MYT1: variants seen among roughly 807,000 people sequenced by gnomAD.
MYT1 encodes myelin transcription factor 1.
A neutral mutation model predicts 123.0 loss-of-function variants in MYT1; 23 were observed. The observed-to-expected ratio is 0.19, with a 90% confidence interval of 0.13 to 0.26. The LOEUF is 0.26. MYT1 is among the 10% of genes least tolerant of loss of function. The pLI is 1.00. For synonymous variants in MYT1, 518 were observed against 575.3 expected, an observed-to-expected ratio of 0.90 and a Z score of 1.43; for missense variants, 1,125 against 1,472.5, an observed-to-expected ratio of 0.76 and a Z score of 3.86.
At chr20:64,199,478 G>A (rs1330630699) in intron 3 of MYT1, among the ~76,000 whole-genome samples, 3 of 152,292 alleles carry the variant, frequency 2.0e-5, no homozygotes, top group African/African-American at 4.8e-5. Flanking sequence ...CCAGTAACTC[G>A]GTCCAGTTGT....
chr20:64,195,619 C>T (rs937975609), intron 2 of MYT1, among the ~76,000 whole-genome samples: 6 of 151,738 alleles, frequency 4.0e-5, no homozygotes, highest in Admixed American at 3.3e-4. Context: ...TTGTCATGAA[C>T]TCCTGACCTC....
Position 64,208,006 on chromosome 20 carries a change from G to C in MYT1, c.810G>C (p.Glu270Asp). The C allele has an allele frequency of 6.3e-7, 1 of 1,596,166 alleles. No individual in the cohort carries two copies. Among genetic ancestry groups the C allele is most frequent in the Non-Finnish European group, 8.5e-7 (1 of 1,171,576 alleles). Residue 270 changes from glutamate to aspartate, a missense_variant, in exon 7 of 23, where the codon GAG (glutamate) becomes GAC (aspartate). Glu to Asp is a conservative substitution (Grantham distance 45). This residue lies in a region of MYT1 where 406 missense variants were observed against 432.2 expected (regional missense o/e 0.94). Coordinates refer to ENST00000328439, the MANE Select transcript of MYT1 (RefSeq NM_004535.3). The surrounding 1 kb of genome is among the most constrained non-coding windows in gnomAD (Gnocchi z 5.4). ...AGGAGGAGGAGGAGGAGGAAGAGGA[G>C]GAGGAGGAGGATGAAGAAGAGGAAG... The part of the protein sequence containing the change: ...EDEEEEEEEE[E>D]EEEDEEEEEE...
intron 19 of MYT1, among the ~76,000 whole-genome samples, chr20:64,234,751 C>CCTGGGGCTGGCCGTGGTATGTGAA (rs1984449747): frequency 7.2e-6 from 1 of 138,240 alleles, no homozygotes. Context: ...TGGTATGTGA[C>CCTGGGGCTGGCCGTGGTATGTGAA]CCGGGGCTGG....
At chr20:64,207,174 G>A (rs537044366) in intron 6 of MYT1, among the ~76,000 whole-genome samples, 2 of 152,196 alleles carry the variant, frequency 1.3e-5, no homozygotes, top group African/African-American at 2.4e-5. Flanking sequence ...ATGAGCCACC[G>A]AGCCCATTCT....
At chr20:64,223,382 C>G (rs1430821204) in intron 16 of MYT1, 23 bp downstream of exon 16, 1 of 1,613,422 alleles carries the variant, frequency 6.2e-7, no homozygotes, top group Non-Finnish European at 8.5e-7. Flanking sequence ...TCCCTGACCT[C>G]CTGTCTCTTG....
chr20:64,195,381 TGTGTGTGTG>T (rs1983083086), intron 2 of MYT1, among the ~76,000 whole-genome samples: 1 of 104,490 alleles, frequency 9.6e-6, no homozygotes, highest in Non-Finnish European at 1.9e-5. Flanking sequence ...TGTGTGTGTG[TGTGTGTGTG>T]TGTGTGTATA....
Position 64,232,958 on chromosome 20 carries a change from C to G in MYT1, c.2897+573C>G, listed in dbSNP as rs941994871. 6.6e-6 allele frequency among the ~76,000 whole-genome samples: 1 copy of G among 151,868 alleles called. No individual in the cohort carries two copies. The highest frequency in any genetic ancestry group is 2.4e-5 in the African/African-American group (1 of 41,326). On this transcript the variant is annotated intron_variant, in intron 19 of 22. Coordinates refer to ENST00000328439, the MANE Select transcript of MYT1 (RefSeq NM_004535.3). This position sits in a 1 kb window ranked among gnomAD's most constrained non-coding sequence, Gnocchi z 6.9. ...TCTCGCCTGCCCTCCAACACCTGCT[C>G]CAGAGCCGAAGGACCTTGCTTCACC...
chr20:64,165,054 A>G (rs903960573), intron 1 of MYT1, among the ~76,000 whole-genome samples: 7 of 151,982 alleles, frequency 4.6e-5, no homozygotes, highest in African/African-American at 1.7e-4. Flanking sequence ...TCAAAACCAG[A>G]AACTTTATGC....
intron 19 of MYT1, among the ~76,000 whole-genome samples, chr20:64,234,333 G>A (rs776345510): frequency 2.6e-5 from 4 of 152,134 alleles, no homozygotes; most frequent in African/African-American, 4.8e-5. Flanking sequence ...GCAAAGTACC[G>A]GCAAGTGGGT....
At chr20:64,236,193 C>G (rs35044813) in intron 19 of MYT1, among the ~76,000 whole-genome samples, 2 of 35,920 alleles carry the variant, frequency 5.6e-5, no homozygotes, top group South Asian at 1.3e-3. Flanking sequence ...CTGGGATGGC[C>G]GTGGTGGGTG....
chr20:64,239,849 C>T lies in MYT1; in HGVS notation c.3183C>T (p.Ser1061=), dbSNP rs1273170188. The part of the protein sequence containing the change: ...EQNEALFLEL[S]GLSQALIQSL... ...ATGAAGCCCTGTTTCTGGAGCTGTC[C>T]GGCCTGAGCCAGGCCCTCATCCAAA... The change falls in exon 22 of 23, where the codon TCC becomes TCT. Residue 1061 remains serine (S), a synonymous_variant. Coordinates refer to ENST00000328439, the MANE Select transcript of MYT1 (RefSeq NM_004535.3). 22 of 1,613,700 alleles carry T rather than the reference C, an allele frequency of 1.4e-5. No homozygotes were observed. The highest frequency in any genetic ancestry group is 8.0e-5 in the African/African-American group (6 of 74,956).
Position 64,241,502 on chromosome 20 carries a change from G to T in MYT1, c.*1054G>T, listed in dbSNP as rs975124154. On this transcript the variant is annotated 3_prime_UTR_variant, in exon 23 of 23. Transcript: ENST00000328439. The surrounding 1 kb of genome is among the most constrained non-coding windows in gnomAD (Gnocchi z 4.2). The stretch of plus-strand genomic sequence containing the variant: ...GTTAGTATTTAAAAATAGAGAAATT[G>T]CACTTCCTGGAAAAAATTAAAAAGT... 2 of 152,488 alleles carry T rather than the reference G, an allele frequency of 1.3e-5. No homozygotes were observed. Among genetic ancestry groups the T allele is most frequent in the African/African-American group, 4.8e-5 (2 of 41,416 alleles). The allele number at this position is 152,488 out of a possible 1,614,324, so 9.4% of individuals were successfully genotyped here. A position where few individuals can be genotyped will look rare whatever the true frequency, so the allele number is the denominator to read the frequency against.
chr20:64,175,004 T>C (rs1275940374), intron 1 of MYT1, among the ~76,000 whole-genome samples: 4 of 1,512 alleles, frequency 2.6e-3, no homozygotes. Flanking sequence ...TGTAGTTGTG[T>C]CCATTTCCCC....
intron 4 of MYT1, among the ~76,000 whole-genome samples, chr20:64,201,345 G>A (rs909423532): frequency 1.2e-4 from 18 of 152,176 alleles, no homozygotes; most frequent in Non-Finnish European, 2.6e-4. Flanking sequence ...CATGAGCCTT[G>A]TGGTCTCAAC....
chr20:64,211,813 C>A (rs1276830195), intron 8 of MYT1, among the ~76,000 whole-genome samples: 1 of 152,172 alleles, frequency 6.6e-6, no homozygotes. Context: ...GAGGGAGGGA[C>A]CACAGTGGTG....
intron 5 of MYT1, 133 bp from the exon 6 acceptor site, chr20:64,205,420 G>A (rs555039673): frequency 2.4e-5 from 34 of 1,392,324 alleles, no homozygotes; most frequent in South Asian, 4.2e-5. Context: ...TTTTTTGTCC[G>A]GGTTCCCTGC....
rs771745530 is a variant in MYT1 at position 64,198,858 on chromosome 20, G to A, written c.1-4G>A. ...TTGTTAACGTCGTGGTTTTTTGCTTGCAGATGAGCTTAGAAAATGAAGACA... is the reference window on the plus strand; with the variant it reads ...TTGTTAACGTCGTGGTTTTTTGCTTACAGATGAGCTTAGAAAATGAAGACA... On this transcript the variant is annotated splice_polypyrimidine_tract_variant and splice_region_variant and intron_variant, in intron 2 of 22. Coordinates refer to ENST00000328439, the MANE Select transcript of MYT1 (RefSeq NM_004535.3). 1.1e-5 allele frequency: 17 copies of A among 1,614,078 alleles called. No individual in the cohort carries two copies. In the East Asian group the frequency reaches 3.1e-4, roughly 30 times the overall value.
chr20:64,187,508 C>T (rs562359494), intron 1 of MYT1, among the ~76,000 whole-genome samples: 10 of 152,096 alleles, frequency 6.6e-5, no homozygotes, highest in East Asian at 5.8e-4. Flanking sequence ...TCCACGTTTC[C>T]GTGGAGAGTT....
intron 2 of MYT1, among the ~76,000 whole-genome samples, chr20:64,197,102 T>C (rs886820093): frequency 1.3e-5 from 2 of 152,226 alleles, no homozygotes; most frequent in African/African-American, 2.4e-5. Flanking sequence ...GCTTTAAAAA[T>C]AGAAATTGTA....
Sources: allele counts gnomAD v4.1 joint callset (sites outside exome capture counted in the v4.1 genomes callset), GRCh38; gene constraint gnomAD v4.1.1; regional missense constraint gnomAD v4.1.1; non-coding constraint Gnocchi (gnomAD v3.1); transcripts MANE v1.5; gene names NCBI Gene and HGNC (gene_info 2026-07-23, HGNC 2026-07-21).